Variants in RPUSD3 observed in about 807,000 individuals in gnomAD.
RPUSD3 encodes the protein mitochondrial mRNA pseudouridine synthase RPUSD3.
In RPUSD3, 36 loss-of-function variants were observed where a neutral mutation model predicts 35.1. That is an observed-to-expected ratio of 1.02 (90% CI 0.79 to 1.35). The LOEUF (loss-of-function observed/expected upper bound fraction) is 1.35. RPUSD3 is among the 40% of genes most tolerant of loss of function. The probability of loss-of-function intolerance (pLI) is 0.00; values close to 1 mark genes in which losing one functional copy is unlikely to be tolerated. For missense variants in RPUSD3, 486 were observed against 441.9 expected (o/e 1.10, Z -0.89); for synonymous variants, 202 against 187.8 (o/e 1.08, Z -0.62).
chr3:9,841,096 A>G (rs537040982), intron 4 of RPUSD3: 1 of 215,186 alleles, frequency 4.6e-6, no homozygotes, highest in African/African-American at 2.3e-5. Flanking sequence ...TAGCTCTTAA[A>G]TAAGTTCTCT....
At chr3:9,838,001 G>A in exon 9 of RPUSD3, 1 of 1,548,280 alleles carries the variant, frequency 6.5e-7, no homozygotes, top group South Asian at 1.2e-5. Flanking sequence ...GAGGGGGTCA[G>A]GAACAGAGGG....
At chr3:9,843,075 A>G (rs866468312) in intron 2 of RPUSD3, 26 of 177,944 alleles carry the variant, frequency 1.5e-4, no homozygotes, top group African/African-American at 4.7e-4. Flanking sequence ...TGTTTTTAGT[A>G]GAGACGGGGT....
intron 7 of RPUSD3, 69 bp downstream of exon 7, chr3:9,840,115 C>G: frequency 1.3e-6 from 2 of 1,565,358 alleles, no homozygotes; most frequent in South Asian, 1.2e-5. Flanking sequence ...CTCCTGACCT[C>G]GTGATCCACC....
At chr3:9,843,696 G>C in intron 1 of RPUSD3, 95 bp from the exon 2 acceptor site, 1 of 1,555,122 alleles carries the variant, frequency 6.4e-7, no homozygotes, top group South Asian at 1.2e-5. Context: ...TGCGGCCTCT[G>C]ACAAATGCCT....
At chr3:9,840,235 C>A (rs750997635) in exon 7 of RPUSD3, 1 of 1,614,146 alleles carries the variant, frequency 6.2e-7, no homozygotes. Context: ...GTGGCTACCA[C>A]ACGAAAGTGA....
chr3:9,843,853 G>A, intron 1 of RPUSD3, 37 bp downstream of exon 1: 1 of 1,576,846 alleles, frequency 6.3e-7, no homozygotes, highest in South Asian at 1.2e-5. Flanking sequence ...CCCTGCCCTA[G>A]CCTCCGTCCC....
At chr3:9,842,238 G>C in exon 3 of RPUSD3, 1 of 1,614,130 alleles carries the variant, frequency 6.2e-7, no homozygotes, top group Non-Finnish European at 8.5e-7. Flanking sequence ...AACGTCACTA[G>C]AGGTCCTGAA....
exon 1 of RPUSD3, chr3:9,843,931 G>A (rs2290306): frequency 6.2e-7 from 1 of 1,603,026 alleles, no homozygotes. Flanking sequence ...GCACTGGGCG[G>A]ACACCCAGGC....
exon 9 of RPUSD3, chr3:9,838,184 T>C (rs746339230): frequency 1.2e-6 from 2 of 1,611,812 alleles, no homozygotes; most frequent in Non-Finnish European, 1.7e-6. Flanking sequence ...GGTGGAGGCG[T>C]CTGAGGAGGG....
Position 9,842,459 on chromosome 3 carries a change from G to C in RPUSD3, c.263-216C>G. On this transcript the variant is annotated intron_variant, in intron 2 of 8. Coordinates refer to ENST00000383820, the Ensembl canonical transcript of RPUSD3. ...CTGTTTCCTGTCCCCAAATTTCCCAGGTCTGGCTCCCTATCATCTTGGCTC... is the reference window on the plus strand; with the variant it reads ...CTGTTTCCTGTCCCCAAATTTCCCACGTCTGGCTCCCTATCATCTTGGCTC... 8.3e-6 allele frequency: 5 copies of C among 603,050 alleles called. 1 individual carries two copies. The highest frequency in any genetic ancestry group is 7.6e-5 in the South Asian group (4 of 52,538). 37.4% of individuals were successfully genotyped at this position (603,050 alleles called of 1,614,324 possible). A position where few individuals can be genotyped will look rare whatever the true frequency, so the allele number is the denominator to read the frequency against.
chr3:9,839,073 G>A lies in RPUSD3; in HGVS notation c.823C>T (p.Arg275Ter), dbSNP rs771967952. 6 of 1,614,174 alleles carry A rather than the reference G, an allele frequency of 3.7e-6. No homozygotes were observed. The highest frequency in any genetic ancestry group is 1.1e-5 in the South Asian group (1 of 91,082). The change falls in exon 8 of 9, where the codon CGA becomes TGA. Residue 275 changes from arginine to a stop codon, truncating the protein, a stop_gained. Transcript: ENST00000383820. LOFTEE classifies it low-confidence loss of function (END_TRUNC). ...TTGTTCTCAGCTGGCAGCAGAAATC[G>A]CTGGCCCAGGACAGTGCCCACACGG...
At chr3:9,842,342 G>T in intron 2 of RPUSD3, 99 bp from the exon 3 acceptor site, 2 of 1,154,222 alleles carry the variant, frequency 1.7e-6, no homozygotes, top group Non-Finnish European at 2.6e-6. Flanking sequence ...CTTAGCACAT[G>T]TCCCCATCAT....
intron 8 of RPUSD3, 83 bp downstream of exon 8, chr3:9,838,949 G>A (rs748865707): frequency 3.1e-6 from 5 of 1,595,164 alleles, no homozygotes; most frequent in Non-Finnish European, 4.3e-6. Flanking sequence ...GTCCCAAGCT[G>A]CACAGATAAG....
intron 7 of RPUSD3, 140 bp downstream of exon 7, chr3:9,840,044 C>A: frequency 9.1e-7 from 1 of 1,097,830 alleles, no homozygotes; most frequent in South Asian, 1.7e-5. Flanking sequence ...CCGTGCCCAG[C>A]TAATTTTTGT....
At chr3:9,840,127 G>A (rs2082081178) in intron 7 of RPUSD3, 57 bp downstream of exon 7, 3 of 1,581,936 alleles carry the variant, frequency 1.9e-6, no homozygotes, top group Non-Finnish European at 2.6e-6. Context: ...TGATCCACCT[G>A]CCTCAGCCTC....
At position 9,840,815 on chromosome 3, in the gene RPUSD3, G is replaced by A; in HGVS notation, c.408-10C>T. 1 of 1,605,534 alleles carries A rather than the reference G, an allele frequency of 6.2e-7. No individual in the cohort carries two copies. Among genetic ancestry groups the A allele is most frequent in the Non-Finnish European group, 8.5e-7 (1 of 1,174,430 alleles). On this transcript the variant is annotated splice_polypyrimidine_tract_variant and intron_variant, in intron 4 of 8. Transcript: ENST00000383820. ...AAGCCCAGAGCTTTCTCTGGAATAA[G>A]CAGACAAATCACACAAGTTAAAGTC... is the stretch of plus-strand genomic sequence containing the variant.
chr3:9,843,294 G>GAT, intron 2 of RPUSD3, 171 bp downstream of exon 2: 18 of 847,470 alleles, frequency 2.1e-5, no homozygotes, highest in South Asian at 3.3e-5. Flanking sequence ...ACTGCATCAT[G>GAT]GCAGTAGGGT....
At chr3:9,838,875 A>G in intron 8 of RPUSD3, 157 bp downstream of exon 8, 2 of 900,598 alleles carry the variant, frequency 2.2e-6, no homozygotes, top group Non-Finnish European at 3.4e-6. Context: ...TACTTGCCCA[A>G]GGCCACACAC....
chr3:9,840,398 C>A (rs770342400), intron 6 of RPUSD3, 91 bp from the exon 7 acceptor site: 4 of 1,608,814 alleles, frequency 2.5e-6, no homozygotes, highest in African/African-American at 1.3e-5. Flanking sequence ...CGGGCAGGGC[C>A]ACAGTATAGG....
Sources: allele counts gnomAD v4.1 joint callset, GRCh38; gene constraint gnomAD v4.1.1; transcripts MANE v1.5; gene names NCBI Gene and HGNC (gene_info 2026-07-23, HGNC 2026-07-21).